The following CHD1 variants were observed in gnomAD, a reference collection of about 807,000 sequenced individuals.
CHD1 encodes chromodomain helicase DNA binding protein 1.
In CHD1, 36 loss-of-function variants were observed where a neutral mutation model predicts 224.2. The observed-to-expected ratio is 0.16, with a 90% CI of 0.12 to 0.21. The LOEUF is 0.21. Ranked by LOEUF, CHD1 falls within the 10% of genes least tolerant of loss-of-function variation. CHD1 has a pLI of 1.00. For missense variants in CHD1, 1,378 were observed against 1,994.8 expected, an observed-to-expected ratio of 0.69 and a Z score of 5.89; for synonymous variants, 668 against 658.3, an observed-to-expected ratio of 1.01 and a Z score of -0.23.
Position 98,856,257 on chromosome 5 carries a change from G to A in CHD1, c.*123C>T. 1 of 675,798 alleles carries A rather than the reference G, an allele frequency of 1.5e-6. No individual in the cohort carries two copies. Among genetic ancestry groups the A allele is most frequent in the Non-Finnish European group, 2.5e-6 (1 of 394,366 alleles). The allele number at this position is 675,798 out of a possible 1,614,324, so 41.9% of individuals were successfully genotyped here. A position where few individuals can be genotyped will look rare whatever the true frequency, so the allele number is the denominator to read the frequency against. On this transcript the variant is annotated 3_prime_UTR_variant, in exon 36 of 36. Coordinates refer to ENST00000614616, the MANE Select transcript of CHD1 (RefSeq NM_001270.4). ...AATAGACCTTGCATCCTGGAAAGAAGTAACAATACTGCTACTGATAGAAGA... is the reference window on the plus strand; with the variant it reads ...AATAGACCTTGCATCCTGGAAAGAAATAACAATACTGCTACTGATAGAAGA...
rs1418379908 is a variant in CHD1, at chr5:98,889,317, A to T, written c.2181-79T>A. 3.6e-6 allele frequency: 4 copies of T among 1,115,996 alleles called. No homozygotes were observed. The East Asian group carries it at 7.5e-5, about 21-fold the overall frequency. 69.1% of individuals were successfully genotyped at this position (1,115,996 alleles called of 1,614,324 possible). ...ATTCTAAAAGCATTAAAACAAACAAAAAAAGCCAACGATAGTACCAAAGTA... is the reference window on the plus strand; with the variant it reads ...ATTCTAAAAGCATTAAAACAAACAATAAAAGCCAACGATAGTACCAAAGTA... On this transcript the variant is annotated intron_variant, in intron 15 of 35. Transcript: ENST00000614616.
chr5:98,865,592 T>C (rs987430796), intron 31 of CHD1, among the ~76,000 whole-genome samples: 2 of 152,240 alleles, frequency 1.3e-5, no homozygotes, highest in African/African-American at 2.4e-5. Context: ...CAGACTCTGC[T>C]CTTTCTTGAC....
chr5:98,901,674 G>A (rs1167786764), intron 5 of CHD1, among the ~76,000 whole-genome samples: 1 of 151,208 alleles, frequency 6.6e-6, no homozygotes, highest in Non-Finnish European at 1.5e-5. Flanking sequence ...ATCCTCGAGA[G>A]GTTGTGATTT....
At chr5:98,867,065 T>C (rs1054963481) in intron 31 of CHD1, among the ~76,000 whole-genome samples, 7 of 152,210 alleles carry the variant, frequency 4.6e-5, no homozygotes, top group Admixed American at 3.3e-4. Context: ...AATAGCATTC[T>C]GCCTCAAGAG....
At position 98,876,654 on chromosome 5, in the gene CHD1, G is replaced by A. The variant is rs187307184; in HGVS notation, c.3238-96C>T. The A allele has an allele frequency of 2.9e-6, 3 of 1,036,574 alleles. No individual in the cohort carries two copies. The African/African-American group carries it at 4.8e-5, about 17-fold the overall frequency. 64.2% of individuals were successfully genotyped at this position (1,036,574 alleles called of 1,614,324 possible). On this transcript the variant is annotated intron_variant, in intron 23 of 35. Coordinates refer to ENST00000614616, the MANE Select transcript of CHD1 (RefSeq NM_001270.4). ...AAAAGATGGTCGGAATCTTAAAAATGTTATTAAATGTATCAAAAACATTCC... is the reference window on the plus strand; with the variant it reads ...AAAAGATGGTCGGAATCTTAAAAATATTATTAAATGTATCAAAAACATTCC...
intron 19 of CHD1, among the ~76,000 whole-genome samples, chr5:98,882,423 G>GA (rs1750260272): frequency 6.8e-6 from 1 of 146,156 alleles, no homozygotes; most frequent in African/African-American, 2.5e-5. Flanking sequence ...GAAAATGGGG[G>GA]GGGGGCATGT....
intron 28 of CHD1, among the ~76,000 whole-genome samples, chr5:98,871,818 AAAT>A (rs1327969485): frequency 1.3e-5 from 2 of 152,190 alleles, no homozygotes; most frequent in African/African-American, 4.8e-5. Context: ...GTAATTTGAA[AAAT>A]AATACACCTA....
intron 7 of CHD1, 98 bp downstream of exon 7, chr5:98,900,713 A>G: frequency 1.9e-6 from 2 of 1,075,018 alleles, no homozygotes; most frequent in Non-Finnish European, 2.7e-6. Context: ...CGGCCCCCCA[A>G]AGTACTGGGA....
At position 98,896,450 on chromosome 5, in the gene CHD1, G is replaced by GA; in HGVS notation, c.1494-9_1494-8insT. ...AGTATGCAACTATTTCCTCTACAAA[G>GA]TTAAAAAAAAATTAGCATGCAAGGA... On this transcript the variant is annotated splice_polypyrimidine_tract_variant and intron_variant, in intron 11 of 35. Coordinates refer to ENST00000614616, the MANE Select transcript of CHD1 (RefSeq NM_001270.4). 1.9e-6 allele frequency: 3 copies of GA among 1,583,796 alleles called. No individual in the cohort carries two copies. Among genetic ancestry groups the GA allele is most frequent in the Non-Finnish European group, 2.6e-6 (3 of 1,160,970 alleles).
chr5:98,856,687 T>A lies in CHD1; in HGVS notation c.4826A>T (p.Asp1609Val), dbSNP rs747038742. The A allele has an allele frequency of 3.3e-5, 53 of 1,610,906 alleles. 1 individual carries two copies. In the South Asian group the frequency reaches 5.8e-4, roughly 18 times the overall value. ...SDREKHRKLD[D>V]HRSRDHRSNL... ...TGACCTGTGATCTCTACTCCTGTGA[T>A]CATCCAGTTTTCTGTGTTTCTCTCT... Residue 1609 changes from aspartate to valine, a missense_variant, in exon 36 of 36, where the codon GAT (aspartate) becomes GTT (valine). Around this residue, in one of 16 missense-constraint regions of CHD1, gnomAD observed 278 missense variants for 298.5 expected, o/e 0.93. Coordinates refer to ENST00000614616, the MANE Select transcript of CHD1 (RefSeq NM_001270.4).
chr5:98,903,766 A>T, intron 4 of CHD1, 26 bp downstream of exon 4: 1 of 1,485,494 alleles, frequency 6.7e-7, no homozygotes, highest in Non-Finnish European at 9.4e-7. Flanking sequence ...CCACTTTTAA[A>T]ATAATAGCTC....
At chr5:98,884,155 G>A (rs1168535422) in intron 18 of CHD1, among the ~76,000 whole-genome samples, 2 of 145,684 alleles carry the variant, frequency 1.4e-5, no homozygotes, top group Admixed American at 6.8e-5. Flanking sequence ...TTCACTGCAA[G>A]CTCCGCCTCC....
At position 98,856,533 on chromosome 5, in the gene CHD1, A is replaced by G; in HGVS notation, c.4980T>C (p.Tyr1660=). 6.2e-7 allele frequency: 1 copy of G among 1,613,928 alleles called. No homozygotes were observed. Among genetic ancestry groups the G allele is most frequent in the Non-Finnish European group, 8.5e-7 (1 of 1,179,842 alleles). The part of the protein sequence containing the change: ...THHKSSRDYR[Y]HSDWQMDHRA... ...TGTGGTCCATTTGCCAGTCTGAGTG[A>G]TACCTATAATCCCTGGAAGATTTAT... The change falls in exon 36 of 36, where the codon TAT becomes TAC. Residue 1660 remains tyrosine (Y), a synonymous_variant. Coordinates refer to ENST00000614616, the MANE Select transcript of CHD1 (RefSeq NM_001270.4).
intron 2 of CHD1, among the ~76,000 whole-genome samples, chr5:98,911,146 A>AAATATATATATATATATATATATAT (rs1491111295): frequency 5.1e-5 from 2 of 39,142 alleles, no homozygotes; most frequent in African/African-American, 1.2e-4. Context: ...AAAAAAAAAA[A>AAATATATATATATATATATATATAT]ATATATATAT....
At chr5:98,926,243 G>A in intron 2 of CHD1, 91 bp downstream of exon 2, 1 of 808,136 alleles carries the variant, frequency 1.2e-6, no homozygotes, top group South Asian at 1.8e-5. Context: ...TACCTATGAG[G>A]AAAACTAAAT....
intron 2 of CHD1, among the ~76,000 whole-genome samples, chr5:98,918,886 T>C (rs1202657260): frequency 6.6e-6 from 1 of 152,158 alleles, no homozygotes; most frequent in Non-Finnish European, 1.5e-5. Flanking sequence ...CTATGAAAAC[T>C]TTCCAAATAG....
chr5:98,897,144 G>T (rs776102472), intron 11 of CHD1, 49 bp downstream of exon 11: 2 of 1,560,964 alleles, frequency 1.3e-6, no homozygotes, highest in Non-Finnish European at 1.8e-6. Flanking sequence ...TCCTGTATTG[G>T]TAAATTCTTA....
intron 2 of CHD1, among the ~76,000 whole-genome samples, chr5:98,912,761 T>C (rs567376037): frequency 6.6e-6 from 1 of 152,366 alleles, no homozygotes; most frequent in South Asian, 2.1e-4. Flanking sequence ...GAGAAGAGAC[T>C]GTTTACGTGT....
Position 98,872,221 on chromosome 5 carries a change from C to T in CHD1, c.3711-20G>A, listed in dbSNP as rs764588752. ...GTATACCTGGCATCAAAGTTAATAA[C>T]TAATGATAAGTTTGTAATTGCCTTA... On this transcript the variant is annotated intron_variant, in intron 27 of 35. Transcript: ENST00000614616. 6.3e-6 allele frequency: 10 copies of T among 1,593,462 alleles called. No individual in the cohort carries two copies. The highest frequency in any genetic ancestry group is 1.2e-5 in the South Asian group (1 of 86,746).
Sources: allele counts gnomAD v4.1 joint callset (sites outside exome capture counted in the v4.1 genomes callset), GRCh38; gene constraint gnomAD v4.1.1; regional missense constraint gnomAD v4.1.1; transcripts MANE v1.5; gene names NCBI Gene and HGNC (gene_info 2026-07-23, HGNC 2026-07-21).